TTLL11: variants seen among roughly 807,000 people sequenced by gnomAD.
The protein encoded by TTLL11 is tubulin tyrosine ligase like 11, also known as tubulin polyglutamylase TTLL11.
A neutral mutation model predicts 51.7 loss-of-function variants in TTLL11; 42 were observed. That is an observed-to-expected ratio of 0.81 (90% confidence interval 0.64 to 1.05). The LOEUF (loss-of-function observed/expected upper bound fraction) is 1.05, where lower values mean the gene tolerates loss of function less well. TTLL11 is among the 50% of genes least tolerant of loss of function. The pLI is 0.00. For missense variants in TTLL11, 799 were observed against 940.4 expected (o/e 0.85, Z 1.97); for synonymous variants, 381 against 383.5 (o/e 0.99, Z 0.08).
Position 121,989,472 on chromosome 9 carries a change from G to A in TTLL11, c.992C>T (p.Thr331Ile), listed in dbSNP as rs1201397146. 1.9e-6 allele frequency: 3 copies of A among 1,614,046 alleles called. No individual in the cohort carries two copies. The highest frequency in any genetic ancestry group is 2.5e-6 in the Non-Finnish European group (3 of 1,180,040). Residue 331 changes from threonine to isoleucine, a missense_variant, in exon 4 of 9, where the codon ACC becomes ATC. Coordinates refer to ENST00000321582, the MANE Select transcript of TTLL11 (RefSeq NM_001139442.2). The surrounding 1 kb of genome is among the most constrained non-coding windows in gnomAD (Gnocchi z 4.2). ...RFCTEPYQEPTPKNLHRIFMH... is the reference protein window; with the variant it reads ...RFCTEPYQEPIPKNLHRIFMH... ...AAAGATGCGGTGCAGGTTTTTGGGG[G>A]TGGGCTCCTGATATGGCTCGGTACA...
intron 6 of TTLL11, among the ~76,000 whole-genome samples, chr9:121,968,335 A>C (rs1460080171): frequency 6.6e-6 from 1 of 152,210 alleles, no homozygotes; most frequent in African/African-American, 2.4e-5. Context: ...AATTTCTCCT[A>C]ACACATGAAA....
intron 6 of TTLL11, among the ~76,000 whole-genome samples, chr9:121,882,211 C>T (rs1838823273): frequency 6.6e-6 from 1 of 152,188 alleles, no homozygotes; most frequent in Non-Finnish European, 1.5e-5. Flanking sequence ...CTGTCTGATG[C>T]TTAAGACCCT....
At chr9:121,887,404 C>T (rs986342229) in intron 6 of TTLL11, among the ~76,000 whole-genome samples, 11 of 152,168 alleles carry the variant, frequency 7.2e-5, no homozygotes, top group African/African-American at 2.7e-4. Context: ...GTCAGGTCCC[C>T]AGGCTTCATG....
intron 1 of TTLL11, 71 bp from the exon 2 acceptor site, chr9:122,039,439 A>T: frequency 8.0e-7 from 1 of 1,250,706 alleles, no homozygotes; most frequent in Non-Finnish European, 1.2e-6. Context: ...TCCATTATGT[A>T]CAAATTCCTG....
intron 6 of TTLL11, among the ~76,000 whole-genome samples, chr9:121,910,349 T>C (rs1840072203): frequency 1.3e-5 from 2 of 152,274 alleles, no homozygotes; most frequent in South Asian, 2.1e-4. Context: ...GGCCAAAGTA[T>C]GCTGCTTTTC....
intron 8 of TTLL11, among the ~76,000 whole-genome samples, chr9:121,849,320 G>C (rs1328578853): frequency 6.6e-6 from 1 of 152,160 alleles, no homozygotes; most frequent in Non-Finnish European, 1.5e-5. Context: ...TAATATGGGA[G>C]AAAATCTAGA....
chr9:122,019,016 C>T (rs138281676), intron 3 of TTLL11, among the ~76,000 whole-genome samples: 243 of 152,322 alleles, frequency 1.6e-3, no homozygotes, highest in African/African-American at 5.6e-3. Context: ...ACCCGCTCCT[C>T]CTCTTGGGTT....
At chr9:121,884,623 G>A (rs758916038) in intron 6 of TTLL11, 1 of 152,134 alleles carries the variant, frequency 6.6e-6, no homozygotes, top group Non-Finnish European at 1.5e-5. Context: ...CACCCCCCTT[G>A]CCAGGGAATG....
At position 121,860,451 on chromosome 9, in the gene TTLL11, C is replaced by A; in HGVS notation, c.1734-8G>T. 1 of 1,549,924 alleles carries A rather than the reference C, an allele frequency of 6.5e-7. No individual in the cohort carries two copies. On this transcript the variant is annotated splice_polypyrimidine_tract_variant and splice_region_variant and intron_variant, in intron 7 of 8. Coordinates refer to ENST00000321582, the MANE Select transcript of TTLL11 (RefSeq NM_001139442.2). ...CTGCTGAGTTTGCAGCTCCTGCCAACAATGGGAAGTGACATGTCACTGCCA... is the reference window on the plus strand; with the variant it reads ...CTGCTGAGTTTGCAGCTCCTGCCAAAAATGGGAAGTGACATGTCACTGCCA...
intron 8 of TTLL11, among the ~76,000 whole-genome samples, chr9:121,859,162 A>G (rs1465464506): frequency 2.7e-5 from 4 of 149,538 alleles, no homozygotes; most frequent in Non-Finnish European, 4.4e-5. Flanking sequence ...TGAGCTGTAC[A>G]AATATCAGTT....
At chr9:122,016,606 T>G (rs1843990544) in intron 3 of TTLL11, among the ~76,000 whole-genome samples, 1 of 152,222 alleles carries the variant, frequency 6.6e-6, no homozygotes, top group Non-Finnish European at 1.5e-5. Context: ...CGTTGTTCTC[T>G]GGGGGTTTTT....
intron 6 of TTLL11, among the ~76,000 whole-genome samples, chr9:121,951,356 C>A (rs1841847373): frequency 6.6e-6 from 1 of 152,104 alleles, no homozygotes; most frequent in Non-Finnish European, 1.5e-5. Flanking sequence ...GTATTCCCAG[C>A]CTATTTAAAT....
chr9:122,083,886 G>T (rs1022241393), intron 1 of TTLL11, among the ~76,000 whole-genome samples: 1 of 152,168 alleles, frequency 6.6e-6, no homozygotes, highest in Non-Finnish European at 1.5e-5. Flanking sequence ...TGGAATTAGA[G>T]GGGAGGATGG....
At chr9:122,085,136 T>C (rs557567381) in intron 1 of TTLL11, among the ~76,000 whole-genome samples, 1 of 152,070 alleles carries the variant, frequency 6.6e-6, no homozygotes, top group Non-Finnish European at 1.5e-5. Flanking sequence ...GGTAGGCGCC[T>C]GTAGTCCCAG....
At chr9:121,827,766 C>T (rs1194242830) in intron 8 of TTLL11, among the ~76,000 whole-genome samples, 1 of 151,198 alleles carries the variant, frequency 6.6e-6, no homozygotes, top group Non-Finnish European at 1.5e-5. Context: ...CCAATATTCA[C>T]TGAGCTTCAG....
chr9:122,031,375 G>A (rs1844535483), intron 3 of TTLL11, among the ~76,000 whole-genome samples: 1 of 152,160 alleles, frequency 6.6e-6, no homozygotes, highest in Admixed American at 6.5e-5. Context: ...CGAGGCCACG[G>A]CTCTAGGATT....
intron 6 of TTLL11, among the ~76,000 whole-genome samples, chr9:121,920,283 C>A (rs902995519): frequency 2.0e-5 from 3 of 152,154 alleles, no homozygotes; most frequent in Non-Finnish European, 2.9e-5. Flanking sequence ...AGCCTGGTGA[C>A]AAGGTGAGAC....
intron 4 of TTLL11, chr9:121,988,898 G>C: frequency 3.6e-6 from 2 of 553,170 alleles, no homozygotes; most frequent in Admixed American, 7.3e-5. Flanking sequence ...ACGAATGAAT[G>C]TAAAACTCTG....
chr9:122,050,277 A>T (rs1845122172), intron 1 of TTLL11, among the ~76,000 whole-genome samples: 1 of 152,178 alleles, frequency 6.6e-6, no homozygotes, highest in Admixed American at 6.5e-5. Context: ...TCACCTCAAC[A>T]AGTAACTTCA....
Sources: allele counts gnomAD v4.1 joint callset (sites outside exome capture counted in the v4.1 genomes callset), GRCh38; gene constraint gnomAD v4.1.1; non-coding constraint Gnocchi (gnomAD v3.1); transcripts MANE v1.5; gene names NCBI Gene and HGNC (gene_info 2026-07-23, HGNC 2026-07-21).